BANK1: variants seen among roughly 807,000 people sequenced by gnomAD.
The protein encoded by BANK1 is B-cell scaffold protein with ankyrin repeats.
A neutral mutation model predicts 94.5 loss-of-function variants in BANK1; 95 were observed. The observed-to-expected ratio is 1.00, with a 90% CI of 0.85 to 1.19. BANK1 has a LOEUF of 1.19. BANK1 is among the 50% of genes most tolerant of loss of function. The pLI, the probability that BANK1 is intolerant of heterozygous loss-of-function variation, is 0.00. For synonymous variants in BANK1, 334 were observed against 308.4 expected (o/e 1.08, Z -0.87); for missense variants, 987 against 932.2 (o/e 1.06, Z -0.77).
intron 7 of BANK1, among the ~76,000 whole-genome samples, chr4:101,961,695 G>C (rs1215706265): frequency 6.6e-6 from 1 of 152,068 alleles, no homozygotes; most frequent in African/African-American, 2.4e-5. Flanking sequence ...GAAACCAAAG[G>C]TTTCAAATAG....
intron 7 of BANK1, among the ~76,000 whole-genome samples, chr4:101,958,360 T>A (rs1037002977): frequency 6.6e-6 from 1 of 151,926 alleles, no homozygotes; most frequent in African/African-American, 2.4e-5. Context: ...ATTAAATAGC[T>A]GGGATTTAAA....
rs564723650 is a variant in BANK1, at chr4:102,038,326, A to G, written c.1901-5513A>G. On this transcript the variant is annotated intron_variant, in intron 10 of 16. Coordinates refer to ENST00000322953, the MANE Select transcript of BANK1 (RefSeq NM_017935.5). ...ATCACTAAGCATGAACCAAAAAGTA[A>G]ACTCATTATAGTTTGCAGAGTCTTC... 3.9e-5 allele frequency among the ~76,000 whole-genome samples: 6 copies of G among 152,290 alleles called. No individual in the cohort carries two copies. In the East Asian group the frequency reaches 1.2e-3, roughly 29 times the overall value.
intron 5 of BANK1, among the ~76,000 whole-genome samples, chr4:101,881,708 T>G (rs2148885728): frequency 6.6e-6 from 1 of 152,210 alleles, no homozygotes; most frequent in East Asian, 1.9e-4. Context: ...AATGTCATAC[T>G]TATACACAAG....
chr4:102,032,605 G>A (rs185484530), intron 10 of BANK1, among the ~76,000 whole-genome samples: 5 of 152,080 alleles, frequency 3.3e-5, no homozygotes, highest in East Asian at 3.9e-4. Flanking sequence ...AGCACCGGCC[G>A]GGCATGGTGG....
intron 7 of BANK1, among the ~76,000 whole-genome samples, chr4:101,940,141 T>A (rs1382167385): frequency 6.6e-6 from 1 of 151,738 alleles, no homozygotes; most frequent in Non-Finnish European, 1.5e-5. Context: ...GACATGATTA[T>A]GAGATATTTA....
intron 3 of BANK1, among the ~76,000 whole-genome samples, chr4:101,862,259 G>A (rs1251824950): frequency 6.6e-6 from 1 of 152,024 alleles, no homozygotes. Flanking sequence ...AAAAGGAAGA[G>A]GCTATATTCA....
intron 3 of BANK1, among the ~76,000 whole-genome samples, chr4:101,860,499 C>T (rs768143539): frequency 2.6e-5 from 4 of 151,964 alleles, no homozygotes; most frequent in Non-Finnish European, 4.4e-5. Context: ...GGCGTGATCT[C>T]GGCTCACTGC....
intron 7 of BANK1, among the ~76,000 whole-genome samples, chr4:101,965,226 C>A (rs563973552): frequency 7.5e-4 from 113 of 151,514 alleles, no homozygotes; most frequent in Non-Finnish European, 1.4e-3. Flanking sequence ...CACTTTTACT[C>A]AAAAACAGAA....
intron 2 of BANK1, among the ~76,000 whole-genome samples, chr4:101,842,215 G>T (rs1478387767): frequency 1.3e-5 from 2 of 152,164 alleles, no homozygotes; most frequent in African/African-American, 4.8e-5. Context: ...AACCCATGTT[G>T]CGTCAGAACA....
At chr4:101,995,192 G>A (rs1335652899) in intron 7 of BANK1, among the ~76,000 whole-genome samples, 6 of 151,884 alleles carry the variant, frequency 4.0e-5, no homozygotes, top group Non-Finnish European at 7.4e-5. Flanking sequence ...GAGAACATGT[G>A]GTATTTGGTT....
intron 7 of BANK1, among the ~76,000 whole-genome samples, chr4:101,959,772 C>A (rs1220817190): frequency 1.3e-5 from 2 of 152,146 alleles, no homozygotes; most frequent in African/African-American, 2.4e-5. Flanking sequence ...AGCAGAGATT[C>A]ATCTGTCATG....
chr4:101,921,599 G>A (rs969039350), intron 7 of BANK1, among the ~76,000 whole-genome samples: 12 of 151,950 alleles, frequency 7.9e-5, no homozygotes, highest in South Asian at 2.1e-4. Context: ...ATTCCCATCC[G>A]TTTAGAACCC....
At chr4:101,930,940 A>G (rs1723316983) in intron 7 of BANK1, among the ~76,000 whole-genome samples, 1 of 151,602 alleles carries the variant, frequency 6.6e-6, no homozygotes, top group South Asian at 2.1e-4. Flanking sequence ...TTCAATTCAG[A>G]TGGAAGTCTG....
Position 102,072,252 on chromosome 4 carries a change from C to G in BANK1, c.2243-93C>G. Reference sequence around the variant, plus strand: ...AATTTTTCTTTTCACCCATATCTTACCTTTGTAGAAATCATTTTTAAGAAG... The same window carrying G: ...AATTTTTCTTTTCACCCATATCTTAGCTTTGTAGAAATCATTTTTAAGAAG... On this transcript the variant is annotated intron_variant, in intron 14 of 16. Coordinates refer to ENST00000322953, the MANE Select transcript of BANK1 (RefSeq NM_017935.5). 5 of 1,104,322 alleles carry G rather than the reference C, an allele frequency of 4.5e-6. No homozygotes were observed. The South Asian group carries it at 7.0e-5, about 15-fold the overall frequency. The allele number at this position is 1,104,322 out of a possible 1,614,324, so 68.4% of individuals were successfully genotyped here.
chr4:101,895,190 A>T, intron 5 of BANK1, 115 bp from the exon 6 acceptor site: 1 of 550,980 alleles, frequency 1.8e-6, no homozygotes, highest in Non-Finnish European at 3.2e-6. Flanking sequence ...TATCAGTATT[A>T]CTAAAGATTA....
At chr4:102,011,741 A>G (rs1164226931) in intron 7 of BANK1, among the ~76,000 whole-genome samples, 6 of 152,178 alleles carry the variant, frequency 3.9e-5, no homozygotes, top group African/African-American at 1.4e-4. Context: ...CACCTTAAAT[A>G]CACTGCAAAT....
chr4:101,913,730 C>G (rs1386402710), intron 6 of BANK1, among the ~76,000 whole-genome samples: 3 of 152,130 alleles, frequency 2.0e-5, no homozygotes, highest in Admixed American at 2.0e-4. Flanking sequence ...CCTGAAACCC[C>G]CACCTCTCCA....
chr4:102,058,075 G>A (rs537776659), intron 11 of BANK1, among the ~76,000 whole-genome samples: 3 of 151,990 alleles, frequency 2.0e-5, no homozygotes, highest in South Asian at 4.2e-4. Flanking sequence ...AAATGACTAC[G>A]TGATTTTTAT....
intron 13 of BANK1, among the ~76,000 whole-genome samples, chr4:102,069,803 A>G (rs1259450906): frequency 1.3e-5 from 2 of 152,230 alleles, no homozygotes; most frequent in African/African-American, 4.8e-5. Context: ...ACTTACTATT[A>G]TAACAACAAT....
Sources: gnomAD v4.1 joint callset for allele counts (sites outside exome capture counted in the v4.1 genomes callset) on GRCh38, gnomAD v4.1.1 for gene constraint, MANE v1.5 for transcripts, NCBI Gene and HGNC (gene_info 2026-07-23, HGNC 2026-07-21) for gene names.